PTCH1: variants seen among roughly 807,000 people sequenced by gnomAD.
PTCH1 encodes protein patched homolog 1.
PTCH1 carries 14 observed loss-of-function variants against 144.6 expected under a neutral mutation model. The ratio of observed to expected loss-of-function variants is 0.10; its 90% CI spans 0.06 to 0.15. The LOEUF is 0.15. PTCH1 is among the 10% of genes least tolerant of loss of function. PTCH1 has a pLI of 1.00. For missense variants in PTCH1, 1,623 were observed against 1,948.3 expected (o/e 0.83, Z 3.14); for synonymous variants, 833 against 793.6 (o/e 1.05, Z -0.83).
chr9:95,516,898 C>T (rs1844393204), exon 1 of PTCH1: 1 of 1,266,654 alleles, frequency 7.9e-7, no homozygotes, highest in African/African-American at 1.5e-5. Context: ...AACTTTACCC[C>T]TTTACAATAA....
At chr9:95,516,591 C>A (rs1370333166) in exon 1 of PTCH1, 1 of 1,591,494 alleles carries the variant, frequency 6.3e-7, no homozygotes, top group South Asian at 1.1e-5. Flanking sequence ...GCTCCTCCGT[C>A]TTCTCCCAGT....
chr9:95,515,260 A>G (rs1227602794), intron 1 of PTCH1, among the ~76,000 whole-genome samples: 3 of 152,258 alleles, frequency 2.0e-5, no homozygotes, highest in Non-Finnish European at 4.4e-5. Flanking sequence ...CTATTGTGGT[A>G]GTTCAAGACC....
At chr9:95,499,014 A>C (rs1842968307) in intron 2 of PTCH1, among the ~76,000 whole-genome samples, 2 of 152,148 alleles carry the variant, frequency 1.3e-5, no homozygotes, top group African/African-American at 4.8e-5. Context: ...GAAGTGGGGC[A>C]CCTGGGAGGG....
At chr9:95,484,396 G>A (rs1417325709) in intron 3 of PTCH1, 1 of 152,178 alleles carries the variant, frequency 6.6e-6, no homozygotes, top group Non-Finnish European at 1.5e-5. Context: ...CATAAGCCCA[G>A]GTTACAGATA....
At chr9:95,486,168 A>G (rs558647484) in intron 2 of PTCH1, among the ~76,000 whole-genome samples, 15 of 152,358 alleles carry the variant, frequency 9.8e-5, no homozygotes, top group African/African-American at 3.6e-4. Context: ...AAAACTTGAG[A>G]CACCTTTTCC....
At position 95,444,224 on chromosome 9, in the gene PTCH1, T is replaced by G; in HGVS notation, c.*2169A>C. On this transcript the variant is annotated 3_prime_UTR_variant, in exon 24 of 24. Transcript: ENST00000331920. ...CAGCCCCACCCCCCGCCCACCCCAG[T>G]TCTCCCTTTGCCAATGTGACTATTG... 8.9e-6 allele frequency: 1 copy of G among 111,844 alleles called. No homozygotes were observed. The highest frequency in any genetic ancestry group is 3.0e-4 in the East Asian group (1 of 3,324). 6.9% of individuals were successfully genotyped at this position (111,844 alleles called of 1,614,324 possible). A position where few individuals can be genotyped will look rare whatever the true frequency, so the allele number is the denominator to read the frequency against.
chr9:95,498,092 G>A (rs753198222), intron 2 of PTCH1, among the ~76,000 whole-genome samples: 1 of 152,172 alleles, frequency 6.6e-6, no homozygotes, highest in African/African-American at 2.4e-5. Flanking sequence ...CATGCACATT[G>A]ACTTAACAAA....
At chr9:95,487,199 C>G (rs1588625850) in intron 2 of PTCH1, among the ~76,000 whole-genome samples, 1 of 152,192 alleles carries the variant, frequency 6.6e-6, no homozygotes, top group Admixed American at 6.5e-5. Flanking sequence ...CTGGCAGGAC[C>G]CTCTGTGCAG....
At chr9:95,466,398 G>T (rs1840005591) in intron 15 of PTCH1, among the ~76,000 whole-genome samples, 1 of 152,100 alleles carries the variant, frequency 6.6e-6, no homozygotes, top group East Asian at 1.9e-4. Flanking sequence ...AATGTGAAAT[G>T]TTACTAAGCA....
rs747931365 is a variant in PTCH1, at chr9:95,459,691, G to A, written c.2796C>T (p.Val932=). The part of the protein sequence containing the change: ...YLTAWVSNDP[V]AYAASQANIR... ...TGTTGGCCTGGGAGGCAGCATACGC[G>A]ACGGGGTCGTTGCTGACCCAAGCCG... is the stretch of plus-strand genomic sequence containing the variant. Residue 932 remains valine (V), a synonymous_variant, in exon 17 of 24, where the codon GTC becomes GTT. Coordinates refer to ENST00000331920, the MANE Select transcript of PTCH1 (RefSeq NM_000264.5). 4 of 1,614,206 alleles carry A rather than the reference G, an allele frequency of 2.5e-6. 1 individual carries two copies. The highest frequency in any genetic ancestry group is 2.2e-5 in the South Asian group (2 of 91,082).
chr9:95,506,425 C>G lies in PTCH1; in HGVS notation c.376G>C (p.Glu126Gln), dbSNP rs2118874002. 6.2e-7 allele frequency: 1 copy of G among 1,612,132 alleles called. No homozygotes were observed. Among genetic ancestry groups the G allele is most frequent in the Non-Finnish European group, 8.5e-7 (1 of 1,179,480 alleles). The change falls in exon 2 of 24, where the codon GAG (glutamate) becomes CAG (glutamine). Residue 126 changes from glutamate (E) to glutamine (Q), a missense_variant. This residue lies in a region of PTCH1 where 245 missense variants were observed against 240.6 expected (regional missense o/e 1.02). Coordinates refer to ENST00000331920, the MANE Select transcript of PTCH1 (RefSeq NM_000264.5). Reference protein sequence around the residue: ...LKAANLETNVEELWVEVGGRV... With the variant: ...LKAANLETNVQELWVEVGGRV... Reference sequence around the variant, plus strand: ...CTCTTACCTTCCACCCACAGCTCCTCCACGTTGGTCTCGAGGTTCGCTGCT... The same window carrying G: ...CTCTTACCTTCCACCCACAGCTCCTGCACGTTGGTCTCGAGGTTCGCTGCT...
In PTCH1 at chr9:95,508,337, C is replaced by T. The variant is rs1843914121; in HGVS notation, c.25G>A (p.Glu9Lys). 3 of 1,268,938 alleles carry T rather than the reference C, an allele frequency of 2.4e-6. No homozygotes were observed. The highest frequency in any genetic ancestry group is 3.0e-6 in the Non-Finnish European group (3 of 1,009,324). The allele number at this position is 1,268,938 out of a possible 1,614,324, so 78.6% of individuals were successfully genotyped here. The change falls in exon 1 of 24, where the codon GAG becomes AAG. Residue 9 changes from glutamate (E) to lysine (K), a missense_variant. Around this residue, in one of 7 missense-constraint regions of PTCH1, gnomAD observed 245 missense variants for 240.6 expected, o/e 1.02. Coordinates refer to ENST00000331920, the MANE Select transcript of PTCH1 (RefSeq NM_000264.5). ...CCGCCGCCGCCGCGGTCCTGGGGCT[C>T]GGCGGCGTTACCAGCCGAGGCCATG... is the stretch of plus-strand genomic sequence containing the variant. Reference protein sequence around the residue: MASAGNAAEPQDRGGGGSG... With the variant: MASAGNAAKPQDRGGGGSG...
intron 12 of PTCH1, among the ~76,000 whole-genome samples, chr9:95,471,718 C>G (rs766897943): frequency 6.6e-6 from 1 of 152,140 alleles, no homozygotes; most frequent in Non-Finnish European, 1.5e-5. Context: ...GGCAGGCTTC[C>G]CGGGAGAGGC....
chr9:95,450,281 G>C, intron 20 of PTCH1: 1 of 360,502 alleles, frequency 2.8e-6, no homozygotes, highest in South Asian at 2.4e-5. Flanking sequence ...GACCTGAATG[G>C]CTGGGCAGAC....
chr9:95,497,395 C>T (rs973907879), intron 2 of PTCH1, among the ~76,000 whole-genome samples: 1 of 152,222 alleles, frequency 6.6e-6, no homozygotes, highest in Non-Finnish European at 1.5e-5. Flanking sequence ...ATGCAGAAAG[C>T]AGGAGAAAAC....
rs541453927 is a variant in PTCH1, at chr9:95,457,793, C to T, written c.3168+220G>A. 2.7e-4 allele frequency among the ~76,000 whole-genome samples: 41 copies of T among 152,280 alleles called. 1 individual carries two copies. Among genetic ancestry groups the T allele is most frequent in the Middle Eastern group, 6.8e-3 (2 of 294 alleles). On this transcript the variant is annotated intron_variant, in intron 18 of 23. Coordinates refer to ENST00000331920, the MANE Select transcript of PTCH1 (RefSeq NM_000264.5). Reference sequence around the variant, plus strand: ...CTTTAAAAAGTCCCCTATCTTTCCACAAAAATCTTCAAGCTACAGGAGAGA... The same window carrying T: ...CTTTAAAAAGTCCCCTATCTTTCCATAAAAATCTTCAAGCTACAGGAGAGA...
At position 95,489,294 on chromosome 9, in the gene PTCH1, C is replaced by A. The variant is rs145131779; in HGVS notation, c.395-3420G>T. The stretch of plus-strand genomic sequence containing the variant: ...TTTGAGCTCAGGAAGTCCCACAGAA[C>A]CCATTTTAGATGACTGAGATGAAGG... On this transcript the variant is annotated intron_variant, in intron 2 of 23. Coordinates refer to ENST00000331920, the MANE Select transcript of PTCH1 (RefSeq NM_000264.5). Among the ~76,000 whole-genome samples the A allele has an allele frequency of 6.0e-4, 92 of 152,280 alleles. 1 individual carries two copies. The highest frequency in any genetic ancestry group is 1.8e-3 in the African/African-American group (74 of 41,554).
At position 95,477,123 on chromosome 9, in the gene PTCH1, G is replaced by A. The variant is rs1176774848; in HGVS notation, c.1504-266C>T. Among the ~76,000 whole-genome samples the A allele has an allele frequency of 2.6e-5, 4 of 152,222 alleles. No individual in the cohort carries two copies. The East Asian group carries it at 7.7e-4, about 29-fold the overall frequency. On this transcript the variant is annotated intron_variant, in intron 10 of 23. Transcript: ENST00000331920. Reference sequence around the variant, plus strand: ...AATCCAACTCATTTAAGCAATGATTGGCAGAGTGTGGCCCATGGACCAGCA... The same window carrying A: ...AATCCAACTCATTTAAGCAATGATTAGCAGAGTGTGGCCCATGGACCAGCA...
intron 3 of PTCH1, chr9:95,483,233 C>G (rs934667040): frequency 2.0e-5 from 3 of 151,818 alleles, no homozygotes; most frequent in African/African-American, 7.3e-5. Flanking sequence ...CTCCACTGCA[C>G]TCCAGCCTAG....
Sources: allele counts gnomAD v4.1 joint callset (sites outside exome capture counted in the v4.1 genomes callset), GRCh38; gene constraint gnomAD v4.1.1; regional missense constraint gnomAD v4.1.1; transcripts MANE v1.5; gene names NCBI Gene and HGNC (gene_info 2026-07-23, HGNC 2026-07-21).